Variants in DLC1 observed in about 807,000 individuals in gnomAD.
DLC1 encodes the protein rho GTPase-activating protein 7.
DLC1 carries 54 observed loss-of-function variants against 140.3 expected under a neutral mutation model. That is an observed-to-expected ratio of 0.38 (90% CI 0.31 to 0.48). The LOEUF (loss-of-function observed/expected upper bound fraction) is 0.48, where lower values mean the gene tolerates loss of function less well. DLC1 is among the 20% of genes least tolerant of loss of function. DLC1 has a pLI of 0.96. For synonymous variants in DLC1, 986 were observed against 728.1 expected (o/e 1.35, Z -5.70); for missense variants, 2,536 against 1,907.0 (o/e 1.33, Z -6.14).
At chr8:13,134,646 C>G (rs1038642811) in intron 5 of DLC1, among the ~76,000 whole-genome samples, 9 of 152,124 alleles carry the variant, frequency 5.9e-5, no homozygotes, top group Admixed American at 4.6e-4. Flanking sequence ...TCTCCCATTT[C>G]CCTCATAAAT....
At chr8:13,304,754 C>A in intron 5 of DLC1, 1 of 956,194 alleles carries the variant, frequency 1.0e-6, no homozygotes, top group Non-Finnish European at 1.2e-6. Context: ...GTCCATTTCC[C>A]ATAATACTGT....
intron 1 of DLC1, among the ~76,000 whole-genome samples, chr8:13,530,572 G>A (rs1328579930): frequency 1.3e-5 from 2 of 152,154 alleles, no homozygotes; most frequent in Non-Finnish European, 2.9e-5. Context: ...ATGCCTGCGA[G>A]TCAAAACTTC....
chr8:13,307,359 G>A (rs1454596466), intron 4 of DLC1, among the ~76,000 whole-genome samples: 1 of 152,152 alleles, frequency 6.6e-6, no homozygotes, highest in Non-Finnish European at 1.5e-5. Flanking sequence ...GAAGTCATCT[G>A]ACTTTTCTTC....
chr8:13,154,680 G>A (rs1373993155), intron 5 of DLC1, among the ~76,000 whole-genome samples: 9 of 152,214 alleles, frequency 5.9e-5, no homozygotes, highest in East Asian at 1.9e-4. Flanking sequence ...CTGGTCAAGC[G>A]GGGCCAGAGT....
At chr8:13,289,630 C>T (rs1831682463) in intron 5 of DLC1, among the ~76,000 whole-genome samples, 1 of 152,168 alleles carries the variant, frequency 6.6e-6, no homozygotes, top group Non-Finnish European at 1.5e-5. Context: ...TGTGACCAGA[C>T]AAAAATTCCT....
intron 4 of DLC1, among the ~76,000 whole-genome samples, chr8:13,314,414 G>C (rs1040909481): frequency 6.6e-6 from 1 of 151,272 alleles, no homozygotes; most frequent in Non-Finnish European, 1.5e-5. Context: ...TAACAGAATA[G>C]CATATAATAT....
At chr8:13,273,568 C>A (rs1831038181) in intron 5 of DLC1, among the ~76,000 whole-genome samples, 1 of 152,118 alleles carries the variant, frequency 6.6e-6, no homozygotes, top group African/African-American at 2.4e-5. Context: ...TTATAAAAGG[C>A]TGCAGATGCT....
At chr8:13,370,616 C>A (rs1327035777) in intron 4 of DLC1, among the ~76,000 whole-genome samples, 2 of 152,170 alleles carry the variant, frequency 1.3e-5, no homozygotes, top group Non-Finnish European at 2.9e-5. Flanking sequence ...CTGAAAAGTC[C>A]AGTTGTAGGG....
intron 2 of DLC1, among the ~76,000 whole-genome samples, chr8:13,495,846 A>T (rs1204830901): frequency 1.3e-5 from 2 of 152,228 alleles, no homozygotes; most frequent in Non-Finnish European, 2.9e-5. Flanking sequence ...CATTTTGAAG[A>T]TCCCCCTTAT....
chr8:13,172,577 A>C (rs899064809), intron 5 of DLC1, among the ~76,000 whole-genome samples: 1 of 152,240 alleles, frequency 6.6e-6, no homozygotes, highest in African/African-American at 2.4e-5. Flanking sequence ...ATTCAGACTC[A>C]GTTTATTTTA....
chr8:13,484,856 C>T (rs141526057), intron 2 of DLC1, among the ~76,000 whole-genome samples: 59 of 151,792 alleles, frequency 3.9e-4, no homozygotes, highest in African/African-American at 1.2e-3. Flanking sequence ...CAGGGATGTG[C>T]GCTATGACCA....
intron 5 of DLC1, among the ~76,000 whole-genome samples, chr8:13,175,304 T>A (rs1156795124): frequency 1.7e-4 from 3 of 17,712 alleles, no homozygotes; most frequent in Non-Finnish European, 3.1e-4. Context: ...TGCCTCCAGC[T>A]TTTTTTTTTT....
At chr8:13,588,377 G>A (rs1461033124) in intron 1 of DLC1, among the ~76,000 whole-genome samples, 1 of 151,984 alleles carries the variant, frequency 6.6e-6, no homozygotes, top group African/African-American at 2.4e-5. Context: ...TTTGAATTTG[G>A]TGTATGACAT....
rs1051435971 is a variant in DLC1, at chr8:13,551,174, T to C, written c.-125-50978A>G. 5.3e-5 allele frequency among the ~76,000 whole-genome samples: 8 copies of C among 151,852 alleles called. No individual in the cohort carries two copies. In the South Asian group the frequency reaches 1.2e-3, roughly 24 times the overall value. On this transcript the variant is annotated intron_variant, in intron 1 of 1. Coordinates refer to the DLC1 transcript ENST00000631382. Reference sequence around the variant, plus strand: ...CAAAATCCCTTACTTTGCAAAACTATAATTAATACTTGGTGAGTTAAATGA... The same window carrying C: ...CAAAATCCCTTACTTTGCAAAACTACAATTAATACTTGGTGAGTTAAATGA...
At chr8:13,357,532 A>G (rs1835005411) in intron 4 of DLC1, among the ~76,000 whole-genome samples, 2 of 152,160 alleles carry the variant, frequency 1.3e-5, no homozygotes, top group Admixed American at 6.5e-5. Flanking sequence ...GCCTGGGGTA[A>G]TTGTTCTCTG....
chr8:13,345,546 A>ATTTTTT (rs1490773993), intron 4 of DLC1, among the ~76,000 whole-genome samples: 2 of 44,652 alleles, frequency 4.5e-5, no homozygotes, highest in African/African-American at 9.5e-5. Context: ...TTTCACTCAC[A>ATTTTTT]CTTTTTTTTT....
chr8:13,417,659 C>A (rs1005937346), intron 2 of DLC1, among the ~76,000 whole-genome samples: 1 of 151,958 alleles, frequency 6.6e-6, no homozygotes, highest in African/African-American at 2.4e-5. Context: ...TGAATAGTGC[C>A]GCAATAAACA....
At chr8:13,380,894 C>T (rs1417463776) in intron 4 of DLC1, among the ~76,000 whole-genome samples, 3 of 152,048 alleles carry the variant, frequency 2.0e-5, no homozygotes, top group Admixed American at 6.6e-5. Context: ...GATTCTTGCA[C>T]GATTTGGGAA....
chr8:13,175,615 C>T (rs1488169928), intron 5 of DLC1, among the ~76,000 whole-genome samples: 1 of 152,044 alleles, frequency 6.6e-6, no homozygotes, highest in Non-Finnish European at 1.5e-5. Flanking sequence ...GTACACCAAT[C>T]ACTCAACTTC....
Sources: allele counts gnomAD v4.1 joint callset (sites outside exome capture counted in the v4.1 genomes callset), GRCh38; gene constraint gnomAD v4.1.1; transcripts MANE v1.5; gene names NCBI Gene and HGNC (gene_info 2026-07-23, HGNC 2026-07-21).